SHKBP1: variants seen among roughly 807,000 people sequenced by gnomAD.
SHKBP1 encodes the protein SH3KBP1 binding protein 1.
SHKBP1 carries 71 observed loss-of-function variants against 83.9 expected under a neutral mutation model. The observed-to-expected ratio is 0.85, with a 90% CI of 0.70 to 1.03. The LOEUF is 1.03. Among genes scored for constraint, SHKBP1 ranks in the 50% least tolerant of loss-of-function variants. SHKBP1 has a pLI of 0.00. For synonymous variants in SHKBP1, 371 were observed against 398.0 expected, an observed-to-expected ratio of 0.93 and a Z score of 0.81; for missense variants, 824 against 982.4, an observed-to-expected ratio of 0.84 and a Z score of 2.16.
intron 6 of SHKBP1, chr19:40,580,042 A>AC (rs2081254247): frequency 7.4e-6 from 2 of 270,256 alleles, no homozygotes; most frequent in African/African-American, 2.3e-5. Context: ...AAAAAAAAAA[A>AC]AAAAAAAAAA....
At position 40,590,584 on chromosome 19, in the gene SHKBP1, AC is replaced by A; in HGVS notation, c.1769-142del. ...CATCCCTTCCTGCCCTTGTTTTTCAACCCCTGTCTCAGCCTCTGGCCCCCAT... is the reference window on the plus strand; with the variant it reads ...CATCCCTTCCTGCCCTTGTTTTTCAACCCTGTCTCAGCCTCTGGCCCCCAT... On this transcript the variant is annotated intron_variant, in intron 16 of 17. Coordinates refer to ENST00000291842, the MANE Select transcript of SHKBP1 (RefSeq NM_138392.4). This position sits in a 1 kb window ranked among gnomAD's most constrained non-coding sequence, Gnocchi z 4.6. 1 of 1,294,544 alleles carries A rather than the reference AC, an allele frequency of 7.7e-7. No homozygotes were observed. The highest frequency in any genetic ancestry group is 1.5e-5 in the African/African-American group (1 of 66,022). 80.2% of individuals were successfully genotyped at this position (1,294,544 alleles called of 1,614,324 possible).
Position 40,591,151 on chromosome 19 carries a change from G to A in SHKBP1, c.2068G>A (p.Gly690Ser), listed in dbSNP as rs776750059. Reference protein sequence around the residue: ...PPTPAPWPSSGLGTPLTPPKM... With the variant: ...PPTPAPWPSSSLGTPLTPPKM... ...CACACCAGCCCCGTGGCCCTCCAGC[G>A]GTCTCGGCACTCCCCTCACACCTCC... Residue 690 changes from glycine to serine, a missense_variant, in exon 18 of 18, where the codon GGT (glycine) becomes AGT (serine). Gly to Ser is a moderately conservative substitution (Grantham distance 56). Around this residue, in one of 3 missense-constraint regions of SHKBP1, gnomAD observed 287 missense variants for 322.9 expected, o/e 0.89. Coordinates refer to ENST00000291842, the MANE Select transcript of SHKBP1 (RefSeq NM_138392.4). 27 of 1,604,348 alleles carry A rather than the reference G, an allele frequency of 1.7e-5. No individual in the cohort carries two copies. The highest frequency in any genetic ancestry group is 1.3e-4 in the Admixed American group (8 of 59,770).
chr19:40,586,497 G>A (rs985813684), intron 12 of SHKBP1, among the ~76,000 whole-genome samples: 2 of 151,962 alleles, frequency 1.3e-5, no homozygotes, highest in African/African-American at 4.8e-5. Context: ...CTTCTGAGTA[G>A]CTGGGATTAC....
At chr19:40,586,089 G>T (rs968960936) in intron 12 of SHKBP1, among the ~76,000 whole-genome samples, 1 of 151,984 alleles carries the variant, frequency 6.6e-6, no homozygotes, top group African/African-American at 2.4e-5. Flanking sequence ...AAAATCTTTT[G>T]TAGAGATGAG....
chr19:40,577,430 G>A lies in SHKBP1; in HGVS notation c.175G>A (p.Glu59Lys). 1 of 1,613,998 alleles carries A rather than the reference G, an allele frequency of 6.2e-7. No homozygotes were observed. Among genetic ancestry groups the A allele is most frequent in the Admixed American group, 1.7e-5 (1 of 60,010 alleles). ...LSGRISTLKD[E>K]TGAIFIDRDP... ...CGGACGCATCTCGACGCTGAAAGATGAGACCGGAGCAGTGAGTCGGACAAG... is the reference window on the plus strand; with the variant it reads ...CGGACGCATCTCGACGCTGAAAGATAAGACCGGAGCAGTGAGTCGGACAAG... Residue 59 changes from glutamate to lysine, a missense_variant, in exon 3 of 18, where the codon GAG (glutamate) becomes AAG (lysine). Physicochemically the swap from Glu to Lys is moderately conservative, Grantham distance 56 (BLOSUM62 1). Around this residue, in one of 3 missense-constraint regions of SHKBP1, gnomAD observed 355 missense variants for 386.4 expected, o/e 0.92. Coordinates refer to ENST00000291842, the MANE Select transcript of SHKBP1 (RefSeq NM_138392.4).
At chr19:40,577,033 G>C (rs764292272) in intron 1 of SHKBP1, 48 bp downstream of exon 1, 68 of 1,379,794 alleles carry the variant, frequency 4.9e-5, no homozygotes, top group Non-Finnish European at 6.6e-5. Flanking sequence ...GCGGGAAGCG[G>C]GGTGGGAGTA....
Position 40,582,436 on chromosome 19 carries a change from G to A in SHKBP1, c.930G>A (p.Gly310=). The change falls in exon 10 of 18, where the codon GGG becomes GGA. Residue 310 remains glycine, a synonymous_variant. Coordinates refer to ENST00000291842, the MANE Select transcript of SHKBP1 (RefSeq NM_138392.4). ...LIATSHTGRI[G]VWNAVTKHWQ... ...CTACAAGCCACACAGGGCGCATCGG[G>A]GTGTGGAATGCCGTCACCAAGCACT... The A allele has an allele frequency of 6.2e-7, 1 of 1,614,088 alleles. No homozygotes were observed. The highest frequency in any genetic ancestry group is 8.5e-7 in the Non-Finnish European group (1 of 1,179,994).
chr19:40,590,388 AAC>A lies in SHKBP1; in HGVS notation c.1735_1736del (p.Thr579HisfsTer27). ...ACGGCAGCTTGGCCATGTGGGACCT[AAC>A]CACCGCCATGGACGGCCTCGGCCAG... ...ANGSLAMWDL[T>X]TAMDGLGQAP... On this transcript the variant is annotated frameshift_variant, in exon 16 of 18. Transcript: ENST00000291842. LOFTEE classifies it high-confidence loss of function. The surrounding 1 kb of genome is among the most constrained non-coding windows in gnomAD (Gnocchi z 4.6). 1 of 1,611,248 alleles carries A rather than the reference AAC, an allele frequency of 6.2e-7. No homozygotes were observed. Among genetic ancestry groups the A allele is most frequent in the Non-Finnish European group, 8.5e-7 (1 of 1,179,098 alleles).
chr19:40,582,208 C>T (rs1208844638), intron 9 of SHKBP1, 143 bp from the exon 10 acceptor site: 6 of 693,250 alleles, frequency 8.7e-6, no homozygotes, highest in Non-Finnish European at 1.5e-5. Context: ...AGGTGTGAGC[C>T]ACTGTGCCCA....
At position 40,577,410 on chromosome 19, in the gene SHKBP1, G is replaced by A. The variant is rs2081225905; in HGVS notation, c.155G>A (p.Arg52His). ...CTTCCCTGCAGTCTTCTGAGCGGACGCATCTCGACGCTGAAAGATGAGACC... is the reference window on the plus strand; with the variant it reads ...CTTCCCTGCAGTCTTCTGAGCGGACACATCTCGACGCTGAAAGATGAGACC... ...DSFFSSLLSG[R>H]ISTLKDETGA... The change falls in exon 3 of 18, where the codon CGC becomes CAC. Residue 52 changes from arginine to histidine, a missense_variant. Physicochemically the swap from Arg to His is conservative, Grantham distance 29 (BLOSUM62 0). This residue lies in a region of SHKBP1 where 355 missense variants were observed against 386.4 expected (regional missense o/e 0.92). Transcript: ENST00000291842. 6.2e-7 allele frequency: 1 copy of A among 1,613,764 alleles called. No homozygotes were observed.
Position 40,588,979 on chromosome 19 carries a change from G to A in SHKBP1, c.1493-103G>A, listed in dbSNP as rs1568394434. 8.2e-6 allele frequency: 11 copies of A among 1,344,338 alleles called. No individual in the cohort carries two copies. The South Asian group carries it at 1.1e-4, about 13-fold the overall frequency. The allele number at this position is 1,344,338 out of a possible 1,614,324, so 83.3% of individuals were successfully genotyped here. A position where few individuals can be genotyped will look rare whatever the true frequency, so the allele number is the denominator to read the frequency against. ...CCCTGCCCAACTCTAACAACCTGGG[G>A]ATGGGACTGGGGTCTTGGGGTGGTG... On this transcript the variant is annotated intron_variant, in intron 14 of 17. Transcript: ENST00000291842.
At chr19:40,586,384 T>A (rs2081312208) in intron 12 of SHKBP1, among the ~76,000 whole-genome samples, 1 of 151,270 alleles carries the variant, frequency 6.6e-6, no homozygotes, top group African/African-American at 2.4e-5. Context: ...TTTTTTTTTT[T>A]GAGACAGAGT....
At chr19:40,586,740 C>A in intron 12 of SHKBP1, 34 bp from the exon 13 acceptor site, 2 of 1,498,592 alleles carry the variant, frequency 1.3e-6, no homozygotes, top group Non-Finnish European at 1.8e-6. Context: ...TCTCTGTGGC[C>A]CAGGCCCTCT....
chr19:40,582,413 A>G lies in SHKBP1; in HGVS notation c.907A>G (p.Thr303Ala). The G allele has an allele frequency of 6.2e-7, 1 of 1,614,142 alleles. No individual in the cohort carries two copies. Residue 303 changes from threonine (T) to alanine (A), a missense_variant, in exon 10 of 18, where the codon ACA (threonine) becomes GCA (alanine). Transcript: ENST00000291842. ...CTTCGTCGGGAACCAGCTCATTGCT[A>G]CAAGCCACACAGGGCGCATCGGGGT... ...LFFVGNQLIA[T>A]SHTGRIGVWN...
chr19:40,590,852 A>G lies in SHKBP1; in HGVS notation c.1891A>G (p.Ser631Gly). ...CCCCTCACCCCGCATCTCCCTCACC[A>G]GGTAGCCACAACTCCACTGCCCCTT... is the stretch of plus-strand genomic sequence containing the variant. ...PSPSPRISLT[S>G]LHSASSNTSL... is the part of the protein sequence containing the mutation. The change falls in exon 17 of 18, where the codon AGC (serine) becomes GGC (glycine). Residue 631 changes from serine to glycine, a missense_variant and splice_region_variant. Transcript: ENST00000291842. This position sits in a 1 kb window ranked among gnomAD's most constrained non-coding sequence, Gnocchi z 4.6. 6.3e-7 allele frequency: 1 copy of G among 1,578,226 alleles called. No individual in the cohort carries two copies. Among genetic ancestry groups the G allele is most frequent in the Non-Finnish European group, 8.7e-7 (1 of 1,154,650 alleles).
At chr19:40,587,094 A>G (rs1599845978) in intron 13 of SHKBP1, 150 bp downstream of exon 13, 2 of 680,930 alleles carry the variant, frequency 2.9e-6, no homozygotes, top group African/African-American at 3.6e-5. Flanking sequence ...CTGTAATTGC[A>G]GAAGTGAGAG....
chr19:40,584,612 A>G (rs1178802913), intron 12 of SHKBP1, among the ~76,000 whole-genome samples: 1 of 152,208 alleles, frequency 6.6e-6, no homozygotes, highest in Non-Finnish European at 1.5e-5. Flanking sequence ...CCCTCTAGAA[A>G]TCACTAATAT....
At chr19:40,585,981 C>A (rs1393057458) in intron 12 of SHKBP1, among the ~76,000 whole-genome samples, 1 of 151,206 alleles carries the variant, frequency 6.6e-6, no homozygotes, top group Non-Finnish European at 1.5e-5. Flanking sequence ...TCATAGCTCA[C>A]TGCAGCCTCA....
intron 12 of SHKBP1, 90 bp from the exon 13 acceptor site, chr19:40,586,682 CTG>C (rs2081314714): frequency 2.4e-6 from 3 of 1,262,724 alleles, no homozygotes; most frequent in South Asian, 2.0e-5. Flanking sequence ...TGCTTTCTGA[CTG>C]TGTCTCTGTT....
Sources: allele counts gnomAD v4.1 joint callset (sites outside exome capture counted in the v4.1 genomes callset), GRCh38; gene constraint gnomAD v4.1.1; regional missense constraint gnomAD v4.1.1; non-coding constraint Gnocchi (gnomAD v3.1); transcripts MANE v1.5; gene names NCBI Gene and HGNC (gene_info 2026-07-23, HGNC 2026-07-21).